SEPTIN3: variants seen among roughly 807,000 people sequenced by gnomAD.
SEPTIN3 encodes the protein neuronal-specific septin-3.
SEPTIN3 carries 15 observed loss-of-function variants against 45.1 expected under a neutral mutation model. The observed-to-expected ratio is 0.33, with a 90% CI of 0.22 to 0.51. The LOEUF (loss-of-function observed/expected upper bound fraction) is 0.51, where lower values mean the gene tolerates loss of function less well. Among genes scored for constraint, SEPTIN3 ranks in the 20% least tolerant of loss-of-function variants. The pLI, the probability that SEPTIN3 is intolerant of heterozygous loss-of-function variation, is 0.97. For synonymous variants in SEPTIN3, 148 were observed against 164.8 expected (o/e 0.90, Z 0.78); for missense variants, 289 against 457.2 (o/e 0.63, Z 3.35).
chr22:41,985,893 T>C, intron 3 of SEPTIN3, 91 bp from the exon 4 acceptor site: 1 of 1,451,030 alleles, frequency 6.9e-7, no homozygotes, highest in Non-Finnish European at 9.2e-7. Flanking sequence ...GCCTGGATCA[T>C]GGCTCTAGAA....
At chr22:41,969,785 A>T (rs1162670178) in intron 1 of SEPTIN3, 108 bp downstream of exon 1, 1 of 151,566 alleles carries the variant, frequency 6.6e-6, no homozygotes, top group Non-Finnish European at 1.5e-5. Flanking sequence ...GAGTGCAGTG[A>T]GGGGATGGGG....
At chr22:41,971,390 G>A (rs573129018) in intron 1 of SEPTIN3, 84 bp from the exon 2 acceptor site, 55 of 398,128 alleles carry the variant, frequency 1.4e-4, no homozygotes, top group African/African-American at 1.0e-3. Context: ...ATGCTCAGCT[G>A]CTGGTCAGGA....
intron 2 of SEPTIN3, among the ~76,000 whole-genome samples, chr22:41,976,000 C>G (rs1369289236): frequency 6.6e-6 from 1 of 152,214 alleles, no homozygotes; most frequent in Non-Finnish European, 1.5e-5. Flanking sequence ...GGAATTTTCT[C>G]TGCTTCAGCG....
In SEPTIN3 at chr22:41,997,145, C is replaced by A; in HGVS notation, c.*178C>A. ...TTGCATCCTCCATTTATCCAAACCA[C>A]TCCTCTCCTCCCAGTGGAGTGGGGT... is the stretch of plus-strand genomic sequence containing the variant. On this transcript the variant is annotated 3_prime_UTR_variant, in exon 12 of 12. Coordinates refer to ENST00000644076, the MANE Select transcript of SEPTIN3 (RefSeq NM_001363845.2). 1 of 1,189,846 alleles carries A rather than the reference C, an allele frequency of 8.4e-7. No homozygotes were observed. Among genetic ancestry groups the A allele is most frequent in the Non-Finnish European group, 1.2e-6 (1 of 865,508 alleles). 73.7% of individuals were successfully genotyped at this position (1,189,846 alleles called of 1,614,324 possible).
In SEPTIN3 at chr22:41,977,047, G is replaced by A. The variant is rs766308909; in HGVS notation, c.1504+4051G>A. 6 of 1,600,092 alleles carry A rather than the reference G, an allele frequency of 3.7e-6. No homozygotes were observed. The Admixed American group carries it at 1.0e-4, about 27-fold the overall frequency. On this transcript the variant is annotated intron_variant, in intron 2 of 11. Transcript: ENST00000644076. ...GCCCGGAGCATCTCCCTGGAGGAAC[G>A]GAGACAAAGGAGGATTCATGTCCAA...
At chr22:41,973,668 G>A (rs546027082) in intron 2 of SEPTIN3, among the ~76,000 whole-genome samples, 11 of 150,092 alleles carry the variant, frequency 7.3e-5, no homozygotes, top group East Asian at 6.0e-4. Context: ...GCGAGACTCC[G>A]TCTCAAAAAA....
chr22:41,996,935 G>A lies in SEPTIN3; in HGVS notation c.2539G>A (p.Val847Met), dbSNP rs779392410. ...CCTCCTGGGCACTGTCCTTCCACCT[G>A]TGCCAGCCACCCCCTGCCCCACTGC... Reference protein sequence around the residue: ...EGLLGTVLPPVPATPCPTAE With the variant: ...EGLLGTVLPPMPATPCPTAE Residue 847 changes from valine (V) to methionine (M), a missense_variant, in exon 12 of 12, where the codon GTG (valine) becomes ATG (methionine). This residue lies in a region of SEPTIN3 where 84 missense variants were observed against 114.7 expected (regional missense o/e 0.73). Transcript: ENST00000644076. The A allele has an allele frequency of 1.2e-6, 2 of 1,614,056 alleles. No homozygotes were observed. Among genetic ancestry groups the A allele is most frequent in the Non-Finnish European group, 8.5e-7 (1 of 1,179,942 alleles).
chr22:41,988,363 G>A (rs969782100), intron 6 of SEPTIN3, among the ~76,000 whole-genome samples: 1 of 152,142 alleles, frequency 6.6e-6, no homozygotes, highest in African/African-American at 2.4e-5. Flanking sequence ...AGGAAGTGCT[G>A]GGAACAGGCA....
Position 41,994,379 on chromosome 22 carries a change from T to G in SEPTIN3, c.2411+38T>G. The G allele has an allele frequency of 3.1e-6, 5 of 1,604,072 alleles. No homozygotes were observed. Among genetic ancestry groups the G allele is most frequent in the Non-Finnish European group, 4.3e-6 (5 of 1,171,270 alleles). On this transcript the variant is annotated intron_variant, in intron 10 of 11. Coordinates refer to ENST00000644076, the MANE Select transcript of SEPTIN3 (RefSeq NM_001363845.2). This position sits in a 1 kb window ranked among gnomAD's most constrained non-coding sequence, Gnocchi z 4.2. ...CCCTCCAGCTGTCCAGACAGCAGGTTGAATTATTTGGGGTCAGGGTCTATC... is the reference window on the plus strand; with the variant it reads ...CCCTCCAGCTGTCCAGACAGCAGGTGGAATTATTTGGGGTCAGGGTCTATC...
intron 8 of SEPTIN3, among the ~76,000 whole-genome samples, chr22:41,992,213 T>C (rs1024981581): frequency 6.6e-6 from 1 of 151,974 alleles, no homozygotes; most frequent in Non-Finnish European, 1.5e-5. Context: ...AACTTATCTC[T>C]ACAAAACCTG....
rs1300047741 is a variant in SEPTIN3, at chr22:41,972,187, A to G, written c.695A>G (p.Lys232Arg). Residue 232 changes from lysine (K) to arginine (R), a missense_variant, in exon 2 of 12, where the codon AAA becomes AGA. Lys to Arg is a conservative substitution (Grantham distance 26, BLOSUM62 2). This residue lies in a region of SEPTIN3 where 200 missense variants were observed against 315.1 expected (regional missense o/e 0.63). Transcript: ENST00000644076. Reference protein sequence around the residue: ...DHMPTRASPGKGKPRARGIPR... With the variant: ...DHMPTRASPGRGKPRARGIPR... Reference sequence around the variant, plus strand: ...ATGCCTACCAGAGCTTCTCCAGGAAAAGGCAAGCCCCGGGCCAGGGGGATC... The same window carrying G: ...ATGCCTACCAGAGCTTCTCCAGGAAGAGGCAAGCCCCGGGCCAGGGGGATC... 1 of 399,140 alleles carries G rather than the reference A, an allele frequency of 2.5e-6. No individual in the cohort carries two copies. The highest frequency in any genetic ancestry group is 4.4e-6 in the Non-Finnish European group (1 of 226,176). The allele number at this position is 399,140 out of a possible 1,614,324, so 24.7% of individuals were successfully genotyped here.
intron 6 of SEPTIN3, 92 bp downstream of exon 6, chr22:41,987,851 T>G: frequency 7.2e-7 from 1 of 1,388,424 alleles, no homozygotes; most frequent in East Asian, 2.3e-5. Flanking sequence ...TTGACTCAGC[T>G]AGGCCTCCCT....
At position 41,994,626 on chromosome 22, in the gene SEPTIN3, AC is replaced by A; in HGVS notation, c.2419del (p.Leu807SerfsTer7). On this transcript the variant is annotated frameshift_variant, in exon 11 of 12. Transcript: ENST00000644076. LOFTEE classifies it high-confidence loss of function. This position sits in a 1 kb window ranked among gnomAD's most constrained non-coding sequence, Gnocchi z 4.2. ...ALLRDFVIRTHLQDLKEVTHN... is the reference protein window; with the variant it reads ...ALLRDFVIRTXLQDLKEVTHN... ...TCTCACCCTGTGTCCTCTAGGACCCACCTCCAGGACCTCAAGGAAGTGACAC... is the reference window on the plus strand; with the variant it reads ...TCTCACCCTGTGTCCTCTAGGACCCACTCCAGGACCTCAAGGAAGTGACAC... 1 of 1,613,958 alleles carries A rather than the reference AC, an allele frequency of 6.2e-7. No homozygotes were observed. Among genetic ancestry groups the A allele is most frequent in the Non-Finnish European group, 8.5e-7 (1 of 1,179,990 alleles).
Position 41,976,982 on chromosome 22 carries a change from C to A in SEPTIN3, c.1504+3986C>A. 2 of 1,474,718 alleles carry A rather than the reference C, an allele frequency of 1.4e-6. No homozygotes were observed. Among genetic ancestry groups the A allele is most frequent in the South Asian group, 1.2e-5 (1 of 81,324 alleles). 91.4% of individuals were successfully genotyped at this position (1,474,718 alleles called of 1,614,324 possible). A position where few individuals can be genotyped will look rare whatever the true frequency, so the allele number is the denominator to read the frequency against. ...AGGCCCGTTTGCAGGGGCCGCTCGG[C>A]CCGGGGAAGCCCGCGCCCCGCTCAG... On this transcript the variant is annotated intron_variant, in intron 2 of 11. Transcript: ENST00000644076. The surrounding 1 kb of genome is among the most constrained non-coding windows in gnomAD (Gnocchi z 5.8).
rs1244662862 is a variant in SEPTIN3, at chr22:41,996,987, T to G, written c.*20T>G. ...GAATGAAGGCCATTTCAAGCGCTGCTTCTCACTCCATTCCTCTCAGCTGTT... is the reference window on the plus strand; with the variant it reads ...GAATGAAGGCCATTTCAAGCGCTGCGTCTCACTCCATTCCTCTCAGCTGTT... On this transcript the variant is annotated 3_prime_UTR_variant, in exon 12 of 12. Transcript: ENST00000644076. 6.2e-7 allele frequency: 1 copy of G among 1,613,942 alleles called. No individual in the cohort carries two copies. Among genetic ancestry groups the G allele is most frequent in the South Asian group, 1.1e-5 (1 of 91,078 alleles).
In SEPTIN3 at chr22:41,974,427, G is replaced by A. The variant is rs894008331; in HGVS notation, c.1504+1431G>A. 1.1e-4 allele frequency among the ~76,000 whole-genome samples: 17 copies of A among 152,062 alleles called. 2 individuals are homozygous for A. The highest frequency in any genetic ancestry group is 9.8e-4 in the Admixed American group (15 of 15,270). ...CACCTATAATCCCAGAACTTTGGGAGGCCGAGACAGGTGGATCACGAGGTC... is the reference window on the plus strand; with the variant it reads ...CACCTATAATCCCAGAACTTTGGGAAGCCGAGACAGGTGGATCACGAGGTC... On this transcript the variant is annotated intron_variant, in intron 2 of 11. Coordinates refer to ENST00000644076, the MANE Select transcript of SEPTIN3 (RefSeq NM_001363845.2).
At chr22:41,981,351 A>C (rs1354078002) in intron 2 of SEPTIN3, 2 of 347,672 alleles carry the variant, frequency 5.8e-6, no homozygotes, top group Non-Finnish European at 1.0e-5. Context: ...GGTTAGATGC[A>C]CAGATGTGGG....
At chr22:41,990,773 C>T (rs372317000) in intron 7 of SEPTIN3, among the ~76,000 whole-genome samples, 3 of 101,670 alleles carry the variant, frequency 3.0e-5, no homozygotes, top group East Asian at 2.8e-4. Flanking sequence ...AAAAAAGAAA[C>T]TTACAATTGG....
intron 2 of SEPTIN3, chr22:41,977,027 G>C (rs776383004): frequency 6.3e-7 from 1 of 1,590,594 alleles, no homozygotes; most frequent in Non-Finnish European, 8.5e-7. Context: ...CCCGCGCCCG[G>C]AGCATCTCCC....
Sources: gnomAD v4.1 joint callset for allele counts (sites outside exome capture counted in the v4.1 genomes callset) on GRCh38, gnomAD v4.1.1 for gene constraint, gnomAD v4.1.1 regional missense constraint, Gnocchi (gnomAD v3.1) non-coding constraint, MANE v1.5 for transcripts, NCBI Gene and HGNC (gene_info 2026-07-23, HGNC 2026-07-21) for gene names.